The following SLC44A1 variants were observed in gnomAD, a reference collection of about 807,000 sequenced individuals.
SLC44A1 encodes the protein solute carrier family 44 member 1, also known as choline transporter-like protein 1.
In SLC44A1, 26 loss-of-function variants were observed where a neutral mutation model predicts 79.3. The ratio of observed to expected loss-of-function variants is 0.33; its 90% CI spans 0.24 to 0.46. The LOEUF (loss-of-function observed/expected upper bound fraction) is 0.46, where lower values mean the gene tolerates loss of function less well. Among genes scored for constraint, SLC44A1 ranks in the 20% least tolerant of loss-of-function variants. SLC44A1 has a pLI of 1.00. For synonymous variants in SLC44A1, 263 were observed against 286.2 expected (o/e 0.92, Z 0.82); for missense variants, 688 against 798.1 (o/e 0.86, Z 1.66).
intron 1 of SLC44A1, among the ~76,000 whole-genome samples, chr9:105,293,206 C>T (rs1005733408): frequency 6.6e-6 from 1 of 152,152 alleles, no homozygotes; most frequent in Non-Finnish European, 1.5e-5. Context: ...ATAATTGACT[C>T]TAACCTTTTT....
chr9:105,310,883 A>G (rs1430390425), intron 3 of SLC44A1, among the ~76,000 whole-genome samples: 1 of 152,224 alleles, frequency 6.6e-6, no homozygotes, highest in South Asian at 2.1e-4. Flanking sequence ...ATTGTAAATA[A>G]CAGCGATGAG....
chr9:105,368,685 G>A (rs981712895), intron 12 of SLC44A1, among the ~76,000 whole-genome samples: 5 of 151,990 alleles, frequency 3.3e-5, no homozygotes, highest in East Asian at 1.9e-4. Flanking sequence ...TAGAAAATAC[G>A]CACACATCTC....
chr9:105,341,871 CATTT>C (rs1827102322), intron 4 of SLC44A1, among the ~76,000 whole-genome samples: 1 of 152,272 alleles, frequency 6.6e-6, no homozygotes, highest in South Asian at 2.1e-4. Flanking sequence ...TTTATTCATT[CATTT>C]ATCTCCCTTA....
rs1396552068 is a variant in SLC44A1 at position 105,335,631 on chromosome 9, G to A, written c.338G>A (p.Cys113Tyr). 6.2e-7 allele frequency: 1 copy of A among 1,613,726 alleles called. No homozygotes were observed. The highest frequency in any genetic ancestry group is 8.5e-7 in the Non-Finnish European group (1 of 1,179,690). ...INRKIKSVAL[C>Y]VAACPRQELK... is the part of the protein sequence containing the mutation. The stretch of plus-strand genomic sequence containing the variant: ...CGGAAGATTAAGTCTGTAGCACTGT[G>A]TGTAGCAGCGTGTCCAAGGCAAGAA... Residue 113 changes from cysteine to tyrosine, a missense_variant, in exon 4 of 16, where the codon TGT becomes TAT. Cys to Tyr is a radical substitution (Grantham distance 194, BLOSUM62 -2). Coordinates refer to ENST00000374720, the MANE Select transcript of SLC44A1 (RefSeq NM_080546.5).
intron 1 of SLC44A1, among the ~76,000 whole-genome samples, chr9:105,285,379 G>T (rs1417283735): frequency 6.6e-6 from 1 of 152,142 alleles, no homozygotes; most frequent in Non-Finnish European, 1.5e-5. Context: ...GAAATCAAAA[G>T]ACAAAATATG....
At chr9:105,297,580 T>A (rs1306094921) in intron 1 of SLC44A1, among the ~76,000 whole-genome samples, 1 of 152,012 alleles carries the variant, frequency 6.6e-6, no homozygotes, top group African/African-American at 2.4e-5. Flanking sequence ...ACGGGGTTTC[T>A]CCATGTTGGT....
chr9:105,348,365 C>G lies in SLC44A1; in HGVS notation c.414C>G (p.Ala138=). 1 of 1,599,072 alleles carries G rather than the reference C, an allele frequency of 6.3e-7. No individual in the cohort carries two copies. ...VQKFAEINGS[A]LCSYNLKPSE... ...TAATTTTTCTTTCAACAGGTTCAGC[C>G]CTATGTAGCTACAACCTAAAGCCTT... is the stretch of plus-strand genomic sequence containing the variant. The change falls in exon 5 of 16, where the codon GCC becomes GCG. Residue 138 remains alanine (A), a synonymous_variant. Coordinates refer to ENST00000374720, the MANE Select transcript of SLC44A1 (RefSeq NM_080546.5).
chr9:105,346,865 A>T (rs1290033034), intron 4 of SLC44A1, among the ~76,000 whole-genome samples: 1 of 152,120 alleles, frequency 6.6e-6, no homozygotes, highest in Non-Finnish European at 1.5e-5. Flanking sequence ...TGTAACTTGT[A>T]ATTATCGCTT....
rs139786916 is a variant in SLC44A1 at position 105,391,053 on chromosome 9, A to G, written c.*1997A>G. 2.1e-3 allele frequency: 2,061 copies of G among 985,832 alleles called. 39 individuals are homozygous for G. The African/African-American group carries it at 0.033, about 16-fold the overall frequency. The allele number at this position is 985,832 out of a possible 1,614,324, so 61.1% of individuals were successfully genotyped here. ...GCACAGATTTTGGACTTTCACAAAC[A>G]TTGGGAACTAAATTTAGAATTGGCA... On this transcript the variant is annotated 3_prime_UTR_variant, in exon 16 of 16. Coordinates refer to ENST00000374720, the MANE Select transcript of SLC44A1 (RefSeq NM_080546.5).
At chr9:105,436,993 T>A (rs965331113) in intron 15 of SLC44A1, among the ~76,000 whole-genome samples, 1 of 152,138 alleles carries the variant, frequency 6.6e-6, no homozygotes, top group Non-Finnish European at 1.5e-5. Context: ...AAGTCCAAGC[T>A]CTCCTGGCAT....
At chr9:105,373,007 G>A in intron 12 of SLC44A1, among the ~76,000 whole-genome samples, 1 of 151,356 alleles carries the variant, frequency 6.6e-6, no homozygotes, top group Non-Finnish European at 1.5e-5. Flanking sequence ...ACTCTCTTTG[G>A]CTCTGAAATG....
Position 105,395,056 on chromosome 9 carries a change from G to A in SLC44A1, c.*6000G>A. 7.1e-6 allele frequency: 7 copies of A among 985,438 alleles called. No homozygotes were observed. The highest frequency in any genetic ancestry group is 8.4e-6 in the Non-Finnish European group (7 of 829,952). The allele number at this position is 985,438 out of a possible 1,614,324, so 61.0% of individuals were successfully genotyped here. A position where few individuals can be genotyped will look rare whatever the true frequency, so the allele number is the denominator to read the frequency against. On this transcript the variant is annotated 3_prime_UTR_variant, in exon 16 of 16. Coordinates refer to ENST00000374720, the MANE Select transcript of SLC44A1 (RefSeq NM_080546.5). Reference sequence around the variant, plus strand: ...TCATCAAGGGGTTTGAAGTTCTTGTGAAATTTGATCCCAGTGGCTCATGAC... The same window carrying A: ...TCATCAAGGGGTTTGAAGTTCTTGTAAAATTTGATCCCAGTGGCTCATGAC...
intron 1 of SLC44A1, among the ~76,000 whole-genome samples, chr9:105,296,919 G>C (rs192698638): frequency 1.8e-3 from 273 of 152,260 alleles, no homozygotes; most frequent in Non-Finnish European, 2.9e-3. Flanking sequence ...AAGAGATCCA[G>C]ACTAACTCCT....
intron 6 of SLC44A1, among the ~76,000 whole-genome samples, chr9:105,356,805 A>AT (rs1038524637): frequency 1.3e-5 from 2 of 151,512 alleles, no homozygotes; most frequent in Non-Finnish European, 1.5e-5. Context: ...GAAGTATGTA[A>AT]TTTTTTTTTC....
rs138757511 is a variant in SLC44A1, at chr9:105,286,148, G to A, written c.37-13072G>A. ...TAAATTAAGCTGTAGAATGTACTGC[G>A]GTATTTTTACTGCAATTCTTACGCC... On this transcript the variant is annotated intron_variant, in intron 1 of 15. Coordinates refer to ENST00000374720, the MANE Select transcript of SLC44A1 (RefSeq NM_080546.5). 7.4e-4 allele frequency among the ~76,000 whole-genome samples: 113 copies of A among 152,144 alleles called. 1 individual carries two copies. Among genetic ancestry groups the A allele is most frequent in the Middle Eastern group, 3.4e-3 (1 of 294 alleles).
intron 1 of SLC44A1, among the ~76,000 whole-genome samples, chr9:105,287,750 C>G (rs775380015): frequency 6.6e-6 from 1 of 152,202 alleles, no homozygotes; most frequent in Admixed American, 6.5e-5. Context: ...TCCTTTCCCT[C>G]TCCATACCTG....
intron 15 of SLC44A1, among the ~76,000 whole-genome samples, chr9:105,406,791 A>G (rs1463113714): frequency 2.0e-5 from 3 of 152,194 alleles, no homozygotes; most frequent in African/African-American, 7.2e-5. Flanking sequence ...AAGCCCAGAT[A>G]TTTGACTTAC....
chr9:105,257,475 C>A (rs931970325), intron 1 of SLC44A1, among the ~76,000 whole-genome samples: 1 of 152,162 alleles, frequency 6.6e-6, no homozygotes, highest in African/African-American at 2.4e-5. Context: ...AAGGGATCCA[C>A]CCATCTTGGC....
At chr9:105,312,631 C>T (rs1831210040) in intron 3 of SLC44A1, among the ~76,000 whole-genome samples, 1 of 152,092 alleles carries the variant, frequency 6.6e-6, no homozygotes, top group African/African-American at 2.4e-5. Context: ...AAGACCGTTC[C>T]ATTTATATTC....
Sources: allele counts gnomAD v4.1 joint callset (sites outside exome capture counted in the v4.1 genomes callset), GRCh38; gene constraint gnomAD v4.1.1; transcripts MANE v1.5; gene names NCBI Gene and HGNC (gene_info 2026-07-23, HGNC 2026-07-21).